The following NELL2 variants were observed in gnomAD, a reference collection of about 807,000 sequenced individuals.
NELL2 encodes the protein protein kinase C-binding protein NELL2.
A neutral mutation model predicts 109.6 loss-of-function variants in NELL2; 41 were observed. The observed-to-expected ratio is 0.37, with a 90% CI of 0.29 to 0.49. The LOEUF (loss-of-function observed/expected upper bound fraction) is 0.49, where lower values mean the gene tolerates loss of function less well. Ranked by LOEUF, NELL2 falls within the 20% of genes least tolerant of loss-of-function variation. NELL2 has a pLI of 0.98. For missense variants in NELL2, 900 were observed against 1,008.3 expected (o/e 0.89, Z 1.45); for synonymous variants, 355 against 344.7 (o/e 1.03, Z -0.33).
At chr12:44,521,374 C>CA (rs1359863362) in intron 18 of NELL2, among the ~76,000 whole-genome samples, 45 of 151,562 alleles carry the variant, frequency 3.0e-4, no homozygotes, top group African/African-American at 1.0e-3. Context: ...ACTAAAAATA[C>CA]AAAAAATTAG....
chr12:44,751,543 A>G (rs1400300323), intron 9 of NELL2, among the ~76,000 whole-genome samples: 1 of 152,196 alleles, frequency 6.6e-6, no homozygotes, highest in Non-Finnish European at 1.5e-5. Context: ...GTAAAACATA[A>G]AAGCAAGAAC....
At chr12:44,526,858 G>A (rs943655161) in intron 16 of NELL2, among the ~76,000 whole-genome samples, 2 of 152,126 alleles carry the variant, frequency 1.3e-5, no homozygotes, top group African/African-American at 4.8e-5. Flanking sequence ...GTGTGTGGGG[G>A]GCTCAGAAAA....
intron 13 of NELL2, among the ~76,000 whole-genome samples, chr12:44,628,009 G>A (rs1295620158): frequency 4.6e-5 from 7 of 152,092 alleles, no homozygotes; most frequent in South Asian, 2.1e-4. Context: ...GTTTGGCACC[G>A]TCAGCAAAAA....
At chr12:44,586,098 T>G (rs934319459) in intron 15 of NELL2, among the ~76,000 whole-genome samples, 6 of 151,684 alleles carry the variant, frequency 4.0e-5, no homozygotes, top group African/African-American at 1.5e-4. Context: ...CATTTAGTTC[T>G]ATCTCATTCT....
At chr12:44,644,406 T>C (rs1038086636) in intron 13 of NELL2, among the ~76,000 whole-genome samples, 2 of 151,336 alleles carry the variant, frequency 1.3e-5, no homozygotes, top group Non-Finnish European at 3.0e-5. Context: ...ATTTAAAAGG[T>C]ATGCCCTAAA....
intron 15 of NELL2, among the ~76,000 whole-genome samples, chr12:44,582,568 T>C (rs116678058): frequency 1.3e-3 from 200 of 151,694 alleles, no homozygotes; most frequent in African/African-American, 4.5e-3. Context: ...CTATGGCATA[T>C]GAGATGAAAC....
chr12:44,707,835 T>C (rs1419123318), intron 11 of NELL2, among the ~76,000 whole-genome samples: 3 of 152,182 alleles, frequency 2.0e-5, no homozygotes, highest in Admixed American at 6.5e-5. Context: ...AACATATACA[T>C]AGCACATAGC....
intron 15 of NELL2, among the ~76,000 whole-genome samples, chr12:44,553,266 T>C (rs1485580634): frequency 7.2e-6 from 1 of 139,628 alleles, no homozygotes; most frequent in Non-Finnish European, 1.5e-5. Flanking sequence ...ACTTAAAGTA[T>C]AATAATAATA....
At chr12:44,719,128 T>C (rs111806421) in intron 9 of NELL2, among the ~76,000 whole-genome samples, 4,453 of 152,276 alleles carry the variant, frequency 0.029, 85 homozygotes, top group Middle Eastern at 0.061. Flanking sequence ...TTCCCCCATT[T>C]TAAGAACATA....
intron 1 of NELL2, among the ~76,000 whole-genome samples, chr12:44,896,284 A>C (rs559646997): frequency 5.9e-5 from 9 of 152,324 alleles, no homozygotes; most frequent in Admixed American, 4.6e-4. Flanking sequence ...CAAAGTTTAA[A>C]AAAAGAAGAA....
upstream of NELL2, among the ~76,000 whole-genome samples, chr12:44,916,571 C>A: frequency 6.6e-6 from 1 of 152,094 alleles, no homozygotes; most frequent in East Asian, 1.9e-4. Context: ...CTAGAGCCAT[C>A]TTTACTCCAT....
intron 2 of NELL2, among the ~76,000 whole-genome samples, chr12:44,824,693 A>C (rs201243449): frequency 2.4e-5 from 1 of 41,122 alleles, no homozygotes; most frequent in African/African-American, 8.2e-5. Flanking sequence ...TTATTTATTT[A>C]TTTATTTTTA....
intron 9 of NELL2, among the ~76,000 whole-genome samples, chr12:44,716,790 G>A (rs1164252177): frequency 6.6e-6 from 1 of 151,992 alleles, no homozygotes; most frequent in Non-Finnish European, 1.5e-5. Context: ...AAAAACAATG[G>A]TGCTCTAAAT....
chr12:44,512,940 T>C (rs753396312), intron 19 of NELL2, among the ~76,000 whole-genome samples: 2 of 152,006 alleles, frequency 1.3e-5, no homozygotes, highest in Non-Finnish European at 2.9e-5. Context: ...TTATTGTATA[T>C]GTTCAGAAAT....
At chr12:44,573,986 A>G (rs558153225) in intron 15 of NELL2, among the ~76,000 whole-genome samples, 5 of 152,308 alleles carry the variant, frequency 3.3e-5, no homozygotes, top group African/African-American at 1.2e-4. Context: ...GAGTTCTTGG[A>G]CCATGCAATC....
chr12:44,661,642 A>G (rs1947745973), intron 13 of NELL2, among the ~76,000 whole-genome samples: 1 of 151,918 alleles, frequency 6.6e-6, no homozygotes, highest in Non-Finnish European at 1.5e-5. Flanking sequence ...AGAGATTCCC[A>G]GTAAAACTCA....
intron 12 of NELL2, among the ~76,000 whole-genome samples, chr12:44,679,512 T>A (rs915214312): frequency 6.6e-6 from 1 of 152,132 alleles, no homozygotes; most frequent in African/African-American, 2.4e-5. Flanking sequence ...TCATATGCAT[T>A]GTATGTTAAT....
At chr12:44,587,307 A>ATATATATATATATTT (rs1302978950) in intron 15 of NELL2, among the ~76,000 whole-genome samples, 4 of 96,638 alleles carry the variant, frequency 4.1e-5, no homozygotes, top group African/African-American at 1.3e-4. Context: ...ATATATATAT[A>ATATATATATATATTT]TTTTTTTTTA....
intron 9 of NELL2, among the ~76,000 whole-genome samples, chr12:44,720,814 T>C (rs1041611097): frequency 8.5e-5 from 13 of 152,166 alleles, no homozygotes; most frequent in African/African-American, 2.9e-4. Flanking sequence ...AGTGAGATCT[T>C]GATAGTAGTT....
Sources: allele counts gnomAD v4.1 joint callset (sites outside exome capture counted in the v4.1 genomes callset), GRCh38; gene constraint gnomAD v4.1.1; transcripts MANE v1.5; gene names NCBI Gene and HGNC (gene_info 2026-07-23, HGNC 2026-07-21).